Variants in ZNF385D observed in about 807,000 individuals in gnomAD.
ZNF385D encodes the protein zinc finger protein 659.
ZNF385D carries 15 observed loss-of-function variants against 35.8 expected under a neutral mutation model. The ratio of observed to expected loss-of-function variants is 0.42; its 90% CI spans 0.28 to 0.64. The LOEUF is 0.64. Ranked by LOEUF, ZNF385D falls within the 30% of genes least tolerant of loss-of-function variation. The probability of loss-of-function intolerance (pLI) is 0.23; values close to 1 mark genes in which losing one functional copy is unlikely to be tolerated. For missense variants in ZNF385D, 474 were observed against 494.6 expected (o/e 0.96, Z 0.39); for synonymous variants, 212 against 186.8 (o/e 1.13, Z -1.10).
At chr3:22,191,213 G>A (rs868414490) in intron 2 of ZNF385D, among the ~76,000 whole-genome samples, 29 of 151,712 alleles carry the variant, frequency 1.9e-4, no homozygotes, top group South Asian at 4.2e-4. Context: ...CTTTGCAGCC[G>A]GGCGCGGTGG....
chr3:22,359,370 A>T (rs1037009431), intron 2 of ZNF385D, among the ~76,000 whole-genome samples: 3 of 151,914 alleles, frequency 2.0e-5, no homozygotes, highest in East Asian at 1.9e-4. Context: ...TGAGATTTTT[A>T]AAAAGTTTGC....
chr3:22,278,463 C>G (rs746504831), intron 2 of ZNF385D, among the ~76,000 whole-genome samples: 2 of 152,134 alleles, frequency 1.3e-5, no homozygotes, highest in Non-Finnish European at 1.5e-5. Context: ...TCTGCTCACT[C>G]TCTTTTCTGT....
intron 2 of ZNF385D, among the ~76,000 whole-genome samples, chr3:21,578,854 C>CTATT (rs1040515498): frequency 6.6e-5 from 10 of 152,084 alleles, no homozygotes; most frequent in African/African-American, 1.9e-4. Context: ...GGATTTTTTT[C>CTATT]TATTTCCATG....
intron 1 of ZNF385D, among the ~76,000 whole-genome samples, chr3:21,674,658 C>T (rs1329970236): frequency 3.3e-5 from 5 of 152,062 alleles, no homozygotes; most frequent in East Asian, 1.9e-4. Flanking sequence ...AGCTCAAACA[C>T]GAGTTACTCT....
chr3:21,912,593 G>A (rs1700015526), intron 3 of ZNF385D, among the ~76,000 whole-genome samples: 1 of 152,042 alleles, frequency 6.6e-6, no homozygotes, highest in Non-Finnish European at 1.5e-5. Context: ...TGCAAGTCAG[G>A]AGACAGATAC....
chr3:22,020,532 A>G (rs760307360), intron 3 of ZNF385D, among the ~76,000 whole-genome samples: 27 of 151,946 alleles, frequency 1.8e-4, no homozygotes, highest in Non-Finnish European at 3.1e-4. Flanking sequence ...AAAAAAATGT[A>G]CATCACCAAT....
intron 2 of ZNF385D, among the ~76,000 whole-genome samples, chr3:22,310,887 T>G (rs1449062955): frequency 6.6e-6 from 1 of 151,932 alleles, no homozygotes; most frequent in Non-Finnish European, 1.5e-5. Flanking sequence ...TTAAAGATTT[T>G]ATTTCTACTA....
At chr3:21,975,682 T>C (rs1703551027) in intron 3 of ZNF385D, among the ~76,000 whole-genome samples, 2 of 146,984 alleles carry the variant, frequency 1.4e-5, no homozygotes, top group Non-Finnish European at 3.0e-5. Flanking sequence ...CAAAAATATA[T>C]ACCTATTATG....
At position 22,019,218 on chromosome 3, in the gene ZNF385D, C is replaced by T. The variant is rs566812462; in HGVS notation, c.325+149599G>A. Among the ~76,000 whole-genome samples, 22 of 151,504 alleles carry T rather than the reference C, an allele frequency of 1.5e-4. No homozygotes were observed. The South Asian group carries it at 4.4e-3, about 30-fold the overall frequency. On this transcript the variant is annotated intron_variant, in intron 3 of 5. Coordinates refer to the ZNF385D transcript ENST00000494108. Reference sequence around the variant, plus strand: ...ATAGGGCCAATATATGACCTGAGATCCTGCAGAGAAAGGCATTCTCACCTT... The same window carrying T: ...ATAGGGCCAATATATGACCTGAGATTCTGCAGAGAAAGGCATTCTCACCTT...
intron 2 of ZNF385D, among the ~76,000 whole-genome samples, chr3:22,308,794 T>A (rs971137614): frequency 1.3e-5 from 2 of 152,142 alleles, no homozygotes; most frequent in Non-Finnish European, 2.9e-5. Flanking sequence ...ACTAACATTA[T>A]CATTCAGAAT....
At chr3:22,073,688 T>C (rs1310402147) in intron 3 of ZNF385D, among the ~76,000 whole-genome samples, 2 of 151,824 alleles carry the variant, frequency 1.3e-5, no homozygotes, top group African/African-American at 2.4e-5. Flanking sequence ...TCTTACAAGA[T>C]TGTAGGGGGA....
At chr3:21,507,700 T>A (rs1041947281) in intron 4 of ZNF385D, among the ~76,000 whole-genome samples, 4 of 152,170 alleles carry the variant, frequency 2.6e-5, no homozygotes, top group Non-Finnish European at 5.9e-5. Context: ...GCCTTCCAAG[T>A]AGGCGAGTCT....
intron 4 of ZNF385D, among the ~76,000 whole-genome samples, chr3:21,496,392 T>A (rs1705855220): frequency 6.8e-6 from 1 of 146,040 alleles, no homozygotes; most frequent in South Asian, 2.1e-4. Context: ...GATATATATA[T>A]CATATATACA....
intron 1 of ZNF385D, among the ~76,000 whole-genome samples, chr3:21,719,926 CT>C (rs1297787395): frequency 2.6e-5 from 4 of 152,210 alleles, no homozygotes; most frequent in Non-Finnish European, 5.9e-5. Flanking sequence ...TCTCTCATAA[CT>C]AGCTGTATGA....
intron 3 of ZNF385D, among the ~76,000 whole-genome samples, chr3:22,116,577 C>G (rs139567417): frequency 6.6e-6 from 1 of 151,904 alleles, no homozygotes; most frequent in East Asian, 1.9e-4. Context: ...ATGTGAGAGA[C>G]GAAATTACAC....
At chr3:21,774,241 G>A (rs2071196851) in intron 3 of ZNF385D, among the ~76,000 whole-genome samples, 1 of 151,828 alleles carries the variant, frequency 6.6e-6, no homozygotes, top group Non-Finnish European at 1.5e-5. Context: ...ACACATAGTG[G>A]GGAAACAACA....
intron 1 of ZNF385D, among the ~76,000 whole-genome samples, chr3:21,718,251 C>G (rs1288847085): frequency 6.6e-6 from 1 of 152,218 alleles, no homozygotes; most frequent in Non-Finnish European, 1.5e-5. Context: ...TACTCCTGAT[C>G]AATCCTTCCA....
chr3:21,803,217 T>C (rs938422054), intron 3 of ZNF385D, among the ~76,000 whole-genome samples: 1 of 151,094 alleles, frequency 6.6e-6, no homozygotes, highest in African/African-American at 2.4e-5. Flanking sequence ...GAGTGGCAGG[T>C]ATAGGTGGCA....
intron 3 of ZNF385D, among the ~76,000 whole-genome samples, chr3:22,046,104 T>G (rs1698991734): frequency 6.6e-6 from 1 of 152,112 alleles, no homozygotes; most frequent in Middle Eastern, 3.2e-3. Flanking sequence ...GCACAACTGT[T>G]TCAACCAAAA....
Sources: allele counts gnomAD v4.1 joint callset (sites outside exome capture counted in the v4.1 genomes callset), GRCh38; gene constraint gnomAD v4.1.1; transcripts MANE v1.5; gene names NCBI Gene and HGNC (gene_info 2026-07-23, HGNC 2026-07-21).